Variants in DLGAP1 observed in about 807,000 individuals in gnomAD.
The protein encoded by DLGAP1 is DLG associated protein 1.
In DLGAP1, 11 loss-of-function variants were observed where a neutral mutation model predicts 90.8. The observed-to-expected ratio is 0.12, with a 90% confidence interval of 0.08 to 0.20. The LOEUF (loss-of-function observed/expected upper bound fraction) is 0.20, where lower values mean the gene tolerates loss of function less well. Among genes scored for constraint, DLGAP1 ranks in the 10% least tolerant of loss-of-function variants. DLGAP1 has a pLI of 1.00. For synonymous variants in DLGAP1, 558 were observed against 540.7 expected, an observed-to-expected ratio of 1.03 and a Z score of -0.44; for missense variants, 1,050 against 1,333.8, an observed-to-expected ratio of 0.79 and a Z score of 3.31.
intron 7 of DLGAP1, among the ~76,000 whole-genome samples, chr18:3,635,200 G>T (rs566500687): frequency 9.3e-5 from 14 of 150,702 alleles, no homozygotes; most frequent in South Asian, 2.1e-4. Context: ...GCGGGATCTC[G>T]GCTCACTGCA....
At chr18:4,388,859 AAAT>A (rs1178504698) in intron 1 of DLGAP1, among the ~76,000 whole-genome samples, 2 of 152,166 alleles carry the variant, frequency 1.3e-5, no homozygotes, top group Non-Finnish European at 2.9e-5. Flanking sequence ...CAAAAAAAGA[AAAT>A]AATGTCAGTG....
chr18:4,235,719 CTTTTTTT>C (rs1175101805), intron 1 of DLGAP1, among the ~76,000 whole-genome samples: 4 of 80,270 alleles, frequency 5.0e-5, no homozygotes, highest in Admixed American at 1.9e-4. Flanking sequence ...ATTTCAATGT[CTTTTTTT>C]TTTTTTTTTT....
rs2077887359 is a variant in DLGAP1, at chr18:4,213,384, T to C, written c.-266-62097A>G. On this transcript the variant is annotated intron_variant, in intron 1 of 12. Coordinates refer to ENST00000315677, the MANE Select transcript of DLGAP1 (RefSeq NM_004746.4). Reference sequence around the variant, plus strand: ...AGTTGACCCCTGAAGTAACATCGAGTCAGGAGGAAGAATGGAAAGGAGTAG... The same window carrying C: ...AGTTGACCCCTGAAGTAACATCGAGCCAGGAGGAAGAATGGAAAGGAGTAG... 2.0e-5 allele frequency among the ~76,000 whole-genome samples: 3 copies of C among 151,892 alleles called. 1 individual carries two copies. The South Asian group carries it at 6.3e-4, about 32-fold the overall frequency.
chr18:4,406,771 G>C (rs998976990), intron 1 of DLGAP1, among the ~76,000 whole-genome samples: 1 of 152,196 alleles, frequency 6.6e-6, no homozygotes, highest in Non-Finnish European at 1.5e-5. Flanking sequence ...TGGAGAGAAA[G>C]AGGGACTAAT....
At chr18:3,876,992 A>G (rs1436803382) in intron 4 of DLGAP1, among the ~76,000 whole-genome samples, 1 of 152,170 alleles carries the variant, frequency 6.6e-6, no homozygotes, top group Admixed American at 6.5e-5. Context: ...TATTAGAAAG[A>G]GCTTGGTTTT....
At chr18:3,558,394 G>A (rs576257500) in intron 9 of DLGAP1, among the ~76,000 whole-genome samples, 1 of 151,910 alleles carries the variant, frequency 6.6e-6, no homozygotes, top group Non-Finnish European at 1.5e-5. Flanking sequence ...TATAACACCC[G>A]GCTATTTTTT....
chr18:3,502,017 G>T, intron 12 of DLGAP1: 3 of 305,810 alleles, frequency 9.8e-6, no homozygotes, highest in Non-Finnish European at 1.4e-5. Flanking sequence ...TATATTTTTA[G>T]ACTTGAACAA....
At chr18:4,158,902 T>C (rs2076800418) in intron 1 of DLGAP1, among the ~76,000 whole-genome samples, 1 of 152,164 alleles carries the variant, frequency 6.6e-6, no homozygotes, top group Non-Finnish European at 1.5e-5. Flanking sequence ...AGATTGCATA[T>C]ATTGAGTATG....
At chr18:3,803,994 A>ATG (rs1416682566) in intron 5 of DLGAP1, among the ~76,000 whole-genome samples, 1 of 100,190 alleles carries the variant, frequency 1.0e-5, no homozygotes, top group Non-Finnish European at 2.0e-5. Flanking sequence ...ATATATATAT[A>ATG]TATATATATA....
intron 7 of DLGAP1, among the ~76,000 whole-genome samples, chr18:3,657,655 T>G (rs1191804501): frequency 6.8e-6 from 1 of 147,980 alleles, no homozygotes; most frequent in Non-Finnish European, 1.5e-5. Context: ...CAGGCTGGAG[T>G]GCAGTGGCGC....
intron 3 of DLGAP1, among the ~76,000 whole-genome samples, chr18:3,925,650 C>G (rs1379331972): frequency 1.3e-5 from 2 of 152,176 alleles, no homozygotes; most frequent in Non-Finnish European, 1.5e-5. Context: ...CTTCATACTT[C>G]CGGGCACACA....
chr18:3,942,707 T>C (rs1034776308), intron 3 of DLGAP1, among the ~76,000 whole-genome samples: 62 of 152,236 alleles, frequency 4.1e-4, no homozygotes, highest in African/African-American at 1.4e-3. Flanking sequence ...TAATCTGTTC[T>C]GGGCTTTTGC....
intron 1 of DLGAP1, among the ~76,000 whole-genome samples, chr18:4,439,889 C>G (rs146197273): frequency 3.3e-5 from 5 of 151,758 alleles, no homozygotes; most frequent in African/African-American, 1.2e-4. Context: ...GAGACTGAGG[C>G]GGGCAGATCA....
At chr18:3,925,537 G>A (rs1174788158) in intron 3 of DLGAP1, among the ~76,000 whole-genome samples, 2 of 151,986 alleles carry the variant, frequency 1.3e-5, no homozygotes, top group Non-Finnish European at 2.9e-5. Flanking sequence ...ATATTTTCAG[G>A]AAAATGAAAA....
At chr18:3,669,019 A>G (rs964455068) in intron 7 of DLGAP1, among the ~76,000 whole-genome samples, 3 of 151,950 alleles carry the variant, frequency 2.0e-5, no homozygotes, top group Admixed American at 6.6e-5. Flanking sequence ...AAGCAATAGA[A>G]TGATCTACAT....
At chr18:4,431,814 T>C (rs2083290150) in intron 1 of DLGAP1, among the ~76,000 whole-genome samples, 1 of 152,228 alleles carries the variant, frequency 6.6e-6, no homozygotes, top group East Asian at 1.9e-4. Flanking sequence ...AGATTGGCTA[T>C]GTAGAATCCC....
chr18:3,888,091 G>C (rs1245280082), intron 3 of DLGAP1, among the ~76,000 whole-genome samples: 17 of 107,788 alleles, frequency 1.6e-4, no homozygotes, highest in African/African-American at 6.3e-4. Context: ...CTGGACAACA[G>C]AGTGAGACTC....
chr18:3,579,205 T>C (rs1016707750), intron 8 of DLGAP1, among the ~76,000 whole-genome samples: 7 of 152,134 alleles, frequency 4.6e-5, no homozygotes, highest in Non-Finnish European at 8.8e-5. Context: ...GGTGTAAAAA[T>C]AGTTAAAACG....
intron 4 of DLGAP1, among the ~76,000 whole-genome samples, chr18:3,840,967 T>C (rs978881309): frequency 3.3e-5 from 5 of 152,220 alleles, no homozygotes; most frequent in African/African-American, 9.6e-5. Context: ...AAAACTCTCA[T>C]GGTCAACACA....
Sources: gnomAD v4.1 joint callset for allele counts (sites outside exome capture counted in the v4.1 genomes callset) on GRCh38, gnomAD v4.1.1 for gene constraint, MANE v1.5 for transcripts, NCBI Gene and HGNC (gene_info 2026-07-23, HGNC 2026-07-21) for gene names.